The following SPIDR variants were observed in gnomAD, a reference collection of about 807,000 sequenced individuals.
The protein encoded by SPIDR is DNA repair-scaffolding protein.
SPIDR carries 93 observed loss-of-function variants against 104.6 expected under a neutral mutation model. The ratio of observed to expected loss-of-function variants is 0.89; its 90% CI spans 0.75 to 1.06. The LOEUF is 1.06. SPIDR is among the 50% of genes least tolerant of loss of function. The pLI, the probability that SPIDR is intolerant of heterozygous loss-of-function variation, is 0.00. For synonymous variants in SPIDR, 431 were observed against 416.9 expected, an observed-to-expected ratio of 1.03 and a Z score of -0.41; for missense variants, 1,154 against 1,111.2, an observed-to-expected ratio of 1.04 and a Z score of -0.55.
chr8:47,261,317 T>G (rs542661732), intron 1 of SPIDR, among the ~76,000 whole-genome samples: 2 of 152,328 alleles, frequency 1.3e-5, no homozygotes, highest in South Asian at 4.1e-4. Context: ...CTCTTTTTGA[T>G]TCTGGTGTAA....
intron 8 of SPIDR, among the ~76,000 whole-genome samples, chr8:47,455,667 C>T (rs782156783): frequency 7.9e-5 from 12 of 151,606 alleles, no homozygotes; most frequent in South Asian, 2.1e-4. Flanking sequence ...TGGTTGATAG[C>T]GAAAGAATGA....
intron 8 of SPIDR, among the ~76,000 whole-genome samples, chr8:47,498,618 C>G (rs1440030193): frequency 6.6e-6 from 1 of 152,006 alleles, no homozygotes; most frequent in Non-Finnish European, 1.5e-5. Context: ...GCTGGTATAT[C>G]CTAGATACTC....
chr8:47,650,784 C>G (rs897364603), intron 10 of SPIDR, among the ~76,000 whole-genome samples: 2 of 151,946 alleles, frequency 1.3e-5, no homozygotes, highest in African/African-American at 4.8e-5. Flanking sequence ...AAGAATAGCC[C>G]AAGAAATAAG....
At chr8:47,684,656 C>G (rs1203120506) in intron 11 of SPIDR, among the ~76,000 whole-genome samples, 1 of 152,216 alleles carries the variant, frequency 6.6e-6, no homozygotes. Context: ...CTCAGACTTT[C>G]TCTTTCTACT....
chr8:47,476,498 A>G (rs2076306270), intron 8 of SPIDR, among the ~76,000 whole-genome samples: 1 of 152,170 alleles, frequency 6.6e-6, no homozygotes, highest in Admixed American at 6.5e-5. Flanking sequence ...GTTGCAAGAC[A>G]CAGTCGTGCC....
intron 8 of SPIDR, among the ~76,000 whole-genome samples, chr8:47,525,257 G>C (rs912516731): frequency 3.3e-5 from 5 of 152,230 alleles, no homozygotes; most frequent in African/African-American, 1.2e-4. Flanking sequence ...TCATTTACAT[G>C]TTGTGCCAAA....
intron 7 of SPIDR, among the ~76,000 whole-genome samples, chr8:47,432,171 A>G (rs1227768274): frequency 6.6e-6 from 1 of 152,244 alleles, no homozygotes; most frequent in East Asian, 1.9e-4. Context: ...TGGTAAAATT[A>G]GGTGTAGTTG....
chr8:47,579,402 G>C (rs1341306502), intron 8 of SPIDR, among the ~76,000 whole-genome samples: 1 of 152,198 alleles, frequency 6.6e-6, no homozygotes, highest in African/African-American at 2.4e-5. Context: ...TGCATTGATG[G>C]AAATGTTCTA....
intron 5 of SPIDR, among the ~76,000 whole-genome samples, chr8:47,384,063 A>G (rs1298352197): frequency 6.6e-6 from 1 of 152,226 alleles, no homozygotes; most frequent in African/African-American, 2.4e-5. Context: ...AAAACTGGAA[A>G]GAGAATTCAC....
intron 8 of SPIDR, among the ~76,000 whole-genome samples, chr8:47,508,648 A>T (rs906962173): frequency 6.6e-6 from 1 of 152,190 alleles, no homozygotes. Flanking sequence ...TGCTCACTGC[A>T]TAGGTCAAGA....
At chr8:47,694,826 A>C (rs1204913212) in intron 11 of SPIDR, among the ~76,000 whole-genome samples, 1 of 152,198 alleles carries the variant, frequency 6.6e-6, no homozygotes, top group Non-Finnish European at 1.5e-5. Flanking sequence ...TTTTAAAAAA[A>C]AATATGAGTT....
chr8:47,389,682 C>T (rs1183930407), intron 5 of SPIDR, among the ~76,000 whole-genome samples: 1 of 115,580 alleles, frequency 8.7e-6, no homozygotes, highest in Non-Finnish European at 1.6e-5. Context: ...GAGCAAGACT[C>T]CATCTCAAAA....
chr8:47,656,070 A>G (rs2072745553), intron 10 of SPIDR, among the ~76,000 whole-genome samples: 2 of 152,224 alleles, frequency 1.3e-5, no homozygotes, highest in African/African-American at 4.8e-5. Flanking sequence ...TTACTGCAAA[A>G]TGAATCACAG....
intron 8 of SPIDR, among the ~76,000 whole-genome samples, chr8:47,448,842 A>C (rs1371520675): frequency 4.6e-5 from 7 of 152,166 alleles, no homozygotes; most frequent in African/African-American, 1.4e-4. Context: ...GTAAAGACCA[A>C]AAAGTCAGAA....
intron 10 of SPIDR, among the ~76,000 whole-genome samples, chr8:47,645,164 G>T (rs1163209405): frequency 6.6e-6 from 1 of 152,180 alleles, no homozygotes; most frequent in Admixed American, 6.5e-5. Context: ...CAAATGGAAT[G>T]TGGAGGTACA....
At chr8:47,341,371 C>A (rs2050728281) in intron 5 of SPIDR, among the ~76,000 whole-genome samples, 1 of 151,826 alleles carries the variant, frequency 6.6e-6, no homozygotes, top group African/African-American at 2.4e-5. Flanking sequence ...AACTTAAAAC[C>A]TATGGGAAGA....
chr8:47,323,291 C>G (rs2047097998), intron 5 of SPIDR, among the ~76,000 whole-genome samples: 1 of 151,972 alleles, frequency 6.6e-6, no homozygotes, highest in Non-Finnish European at 1.5e-5. Context: ...GAACATAGAC[C>G]TGTGTTATTG....
intron 8 of SPIDR, among the ~76,000 whole-genome samples, chr8:47,575,556 A>T (rs968891143): frequency 4.0e-5 from 6 of 150,984 alleles, no homozygotes; most frequent in Non-Finnish European, 5.9e-5. Context: ...CTGAGGCAGG[A>T]GAATGGCGTG....
chr8:47,614,321 A>G (rs1588404648), intron 10 of SPIDR, among the ~76,000 whole-genome samples: 1 of 151,910 alleles, frequency 6.6e-6, no homozygotes, highest in South Asian at 2.1e-4. Context: ...TCCTGGGTTC[A>G]AGCAGTTCTC....
Sources: allele counts gnomAD v4.1 joint callset (sites outside exome capture counted in the v4.1 genomes callset), GRCh38; gene constraint gnomAD v4.1.1; transcripts MANE v1.5; gene names NCBI Gene and HGNC (gene_info 2026-07-23, HGNC 2026-07-21).